ODR4: variants seen among roughly 807,000 people sequenced by gnomAD.
ODR4 encodes protein odr-4 homolog.
A neutral mutation model predicts 60.2 loss-of-function variants in ODR4; 47 were observed. The observed-to-expected ratio is 0.78, with a 90% CI of 0.62 to 1.00. The LOEUF (loss-of-function observed/expected upper bound fraction) is 1.00, where lower values mean the gene tolerates loss of function less well. Ranked by LOEUF, ODR4 falls within the 50% of genes least tolerant of loss-of-function variation. ODR4 has a pLI of 0.00. For synonymous variants in ODR4, 178 were observed against 175.5 expected (o/e 1.01, Z -0.11); for missense variants, 488 against 530.8 (o/e 0.92, Z 0.79).
At chr1:186,378,668 T>C (rs908559162) in intron 1 of ODR4, among the ~76,000 whole-genome samples, 3 of 152,188 alleles carry the variant, frequency 2.0e-5, no homozygotes, top group African/African-American at 7.2e-5. Flanking sequence ...AGCCAGAGTG[T>C]CTGAATTTAA....
chr1:186,382,910 C>A (rs1660094001), intron 2 of ODR4, 112 bp from the exon 3 acceptor site: 2 of 1,121,342 alleles, frequency 1.8e-6, no homozygotes, highest in Non-Finnish European at 2.5e-6. Context: ...TAACCTGTTA[C>A]AAATATTACT....
At chr1:186,410,619 T>A (rs1486216167) in intron 12 of ODR4, among the ~76,000 whole-genome samples, 2 of 152,176 alleles carry the variant, frequency 1.3e-5, no homozygotes, top group African/African-American at 4.8e-5. Context: ...AATTTTAGGG[T>A]CTCCAGTGAT....
intron 12 of ODR4, among the ~76,000 whole-genome samples, chr1:186,407,396 A>G (rs1224810384): frequency 2.0e-5 from 3 of 152,268 alleles, no homozygotes; most frequent in South Asian, 2.1e-4. Context: ...ATCTCTGCCA[A>G]CGAAACTTAG....
At chr1:186,398,834 T>C in intron 10 of ODR4, 120 bp from the exon 11 acceptor site, 1 of 599,128 alleles carries the variant, frequency 1.7e-6, no homozygotes, top group Non-Finnish European at 2.8e-6. Flanking sequence ...TTGAATGATG[T>C]ATCAGTTATT....
rs371718238 is a variant in ODR4, at chr1:186,388,462, G to T, written c.351G>T (p.Lys117Asn). 5.8e-6 allele frequency: 9 copies of T among 1,558,620 alleles called. No individual in the cohort carries two copies. In the South Asian group the frequency reaches 6.0e-5, roughly 10 times the overall value. ...ALRRLMFAVE[K>N]SINRKRLWNF... is the part of the protein sequence containing the mutation. ...TTCAGCTAATGTTTGCTGTGGAAAA[G>T]TCTATAAATAGAAAGAGATTGTGGA... The change falls in exon 5 of 14, where the codon AAG becomes AAT. Residue 117 changes from lysine to asparagine, a missense_variant. Transcript: ENST00000287859.
chr1:186,402,186 T>TTTTCTTTC (rs777903676), intron 11 of ODR4, among the ~76,000 whole-genome samples: 3,376 of 91,534 alleles, frequency 0.037, 74 homozygotes, highest in Non-Finnish European at 0.052. Flanking sequence ...ATAGGCATCC[T>TTTTCTTTC]ATTCTTTCTT....
chr1:186,408,523 TTATA>T (rs1418012588), intron 12 of ODR4, among the ~76,000 whole-genome samples: 1 of 149,922 alleles, frequency 6.7e-6, no homozygotes, highest in Non-Finnish European at 1.5e-5. Flanking sequence ...TATATAATGT[TTATA>T]TATAATATAA....
intron 8 of ODR4, among the ~76,000 whole-genome samples, chr1:186,392,398 A>G (rs537839207): frequency 1.4e-4 from 22 of 152,354 alleles, no homozygotes; most frequent in African/African-American, 3.4e-4. Context: ...ATGCCCATCA[A>G]TGACAGACTA....
intron 12 of ODR4, among the ~76,000 whole-genome samples, chr1:186,413,718 T>C (rs917173743): frequency 6.6e-6 from 1 of 152,212 alleles, no homozygotes; most frequent in Non-Finnish European, 1.5e-5. Flanking sequence ...ACTGAAGATA[T>C]AATTTTATGG....
intron 13 of ODR4, among the ~76,000 whole-genome samples, chr1:186,418,321 C>T (rs1267174706): frequency 5.1e-4 from 71 of 137,932 alleles, no homozygotes; most frequent in African/African-American, 1.9e-3. Context: ...GACGGAGTCT[C>T]GCTCTGTCGC....
At chr1:186,399,701 A>G (rs1407795293) in intron 11 of ODR4, among the ~76,000 whole-genome samples, 5 of 152,128 alleles carry the variant, frequency 3.3e-5, no homozygotes, top group African/African-American at 1.2e-4. Flanking sequence ...CATAATCAAA[A>G]TATTATTAGT....
chr1:186,397,413 G>T (rs1285179), intron 9 of ODR4, among the ~76,000 whole-genome samples: 150,632 of 152,272 alleles, frequency 0.99, 74,508 homozygotes, highest in East Asian at 1. Context: ...GTTATTTTTT[G>T]TAAATCATTA....
rs564983479 is a variant in ODR4, at chr1:186,382,330, G to A, written c.100-692G>A. Reference sequence around the variant, plus strand: ...CCTAGCTACTTGGGAGACTACTTGGGGGGAGGATTGCTTGAGCCCAGGAGT... The same window carrying A: ...CCTAGCTACTTGGGAGACTACTTGGAGGGAGGATTGCTTGAGCCCAGGAGT... On this transcript the variant is annotated intron_variant, in intron 2 of 13. Transcript: ENST00000287859. 7.9e-5 allele frequency among the ~76,000 whole-genome samples: 12 copies of A among 151,932 alleles called. No homozygotes were observed. In the East Asian group the frequency reaches 1.5e-3, roughly 20 times the overall value.
At chr1:186,388,759 C>T (rs763335338) in intron 5 of ODR4, among the ~76,000 whole-genome samples, 1 of 152,166 alleles carries the variant, frequency 6.6e-6, no homozygotes, top group Non-Finnish European at 1.5e-5. Flanking sequence ...AGCTTGAGAT[C>T]TGTAATATGA....
At chr1:186,405,312 T>C (rs1661132417) in intron 11 of ODR4, among the ~76,000 whole-genome samples, 1 of 152,184 alleles carries the variant, frequency 6.6e-6, no homozygotes, top group African/African-American at 2.4e-5. Flanking sequence ...TACAAAAATG[T>C]ATTCTATCAG....
In ODR4 at chr1:186,420,504, A is replaced by G. The variant is rs1661736248; in HGVS notation, c.*1428A>G. 6.6e-6 allele frequency: 1 copy of G among 152,246 alleles called. No individual in the cohort carries two copies. The highest frequency in any genetic ancestry group is 6.5e-5 in the Admixed American group (1 of 15,286). The allele number at this position is 152,246 out of a possible 1,614,324, so 9.4% of individuals were successfully genotyped here. A position where few individuals can be genotyped will look rare whatever the true frequency, so the allele number is the denominator to read the frequency against. On this transcript the variant is annotated 3_prime_UTR_variant, in exon 14 of 14. Transcript: ENST00000287859. Reference sequence around the variant, plus strand: ...AAAGCTATAGAAAAAATAAACATTGAACTCAGTTCTTCAAGGTTTCATCAC... The same window carrying G: ...AAAGCTATAGAAAAAATAAACATTGGACTCAGTTCTTCAAGGTTTCATCAC...
intron 11 of ODR4, among the ~76,000 whole-genome samples, chr1:186,404,014 C>T (rs1329694724): frequency 6.6e-6 from 1 of 152,022 alleles, no homozygotes; most frequent in African/African-American, 2.4e-5. Context: ...TGTGCTATCA[C>T]CTATTCTAAA....
chr1:186,398,910 G>A, intron 10 of ODR4, 44 bp from the exon 11 acceptor site: 1 of 1,371,552 alleles, frequency 7.3e-7, no homozygotes, highest in African/African-American at 1.5e-5. Context: ...TAAATCTAAA[G>A]TATTTTATTT....
chr1:186,390,313 A>G (rs1660413847), intron 6 of ODR4, among the ~76,000 whole-genome samples: 1 of 152,218 alleles, frequency 6.6e-6, no homozygotes. Flanking sequence ...GTAACTTTGC[A>G]GTGTCATTAG....
Sources: allele counts gnomAD v4.1 joint callset (sites outside exome capture counted in the v4.1 genomes callset), GRCh38; gene constraint gnomAD v4.1.1; transcripts MANE v1.5; gene names NCBI Gene and HGNC (gene_info 2026-07-23, HGNC 2026-07-21).